Variants in KANK1 observed in about 807,000 individuals in gnomAD.
The protein encoded by KANK1 is KN motif and ankyrin repeat domains 1, also known as KN motif and ankyrin repeat domain-containing protein 1.
Under a neutral mutation model 106.2 loss-of-function variants are expected in KANK1, and 109 were observed. The ratio of observed to expected loss-of-function variants is 1.03; its 90% CI spans 0.88 to 1.20. KANK1 has a LOEUF of 1.20. Among genes scored for constraint, KANK1 ranks in the 50% most tolerant of loss-of-function variants. The probability of loss-of-function intolerance (pLI) is 0.00; values close to 1 mark genes in which losing one functional copy is unlikely to be tolerated. For missense variants in KANK1, 2,399 were observed against 1,710.7 expected (o/e 1.40, Z -7.10); for synonymous variants, 873 against 652.2 (o/e 1.34, Z -5.16).
rs375556830 is a variant in KANK1, at chr9:563,748, C to T, written c.-84+58994C>T. On this transcript the variant is annotated intron_variant, in intron 1 of 11. Coordinates refer to ENST00000382297, the MANE Select transcript of KANK1 (RefSeq NM_015158.5). ...TTTTAATCAGAATCTCAAAATTGCTCTATGGTTCAGAAATGTTTAGGGACC... is the reference window on the plus strand; with the variant it reads ...TTTTAATCAGAATCTCAAAATTGCTTTATGGTTCAGAAATGTTTAGGGACC... Among the ~76,000 whole-genome samples the T allele has an allele frequency of 2.6e-5, 4 of 152,220 alleles. No homozygotes were observed. The South Asian group carries it at 6.2e-4, about 24-fold the overall frequency.
chr9:521,542 C>T (rs1438411886), intron 1 of KANK1, among the ~76,000 whole-genome samples: 3 of 147,566 alleles, frequency 2.0e-5, no homozygotes, highest in African/African-American at 7.6e-5. Flanking sequence ...TTGGAATTCT[C>T]TACTTTCTTT....
chr9:693,366 G>C (rs1388410087), intron 2 of KANK1: 14 of 984,974 alleles, frequency 1.4e-5, no homozygotes, highest in Middle Eastern at 5.2e-4. Flanking sequence ...GGGAAAGAGG[G>C]AGTAAGTCAG....
intron 5 of KANK1, chr9:732,147 C>G (rs937615613): frequency 5.1e-6 from 2 of 391,564 alleles, no homozygotes; most frequent in African/African-American, 4.0e-5. Context: ...TTTTCTTTAA[C>G]AAGTGTTACA....
chr9:472,055 C>G (rs926743111), intron 2 of KANK1, among the ~76,000 whole-genome samples: 12 of 152,292 alleles, frequency 7.9e-5, no homozygotes, highest in Admixed American at 3.3e-4. Flanking sequence ...GAGTCACATC[C>G]CCATACGCCA....
chr9:718,298 C>CTTTTTTT (rs60145502), intron 3 of KANK1, among the ~76,000 whole-genome samples: 8 of 74,124 alleles, frequency 1.1e-4, no homozygotes, highest in Non-Finnish European at 1.5e-4. Flanking sequence ...CTTGCTGTGT[C>CTTTTTTT]TTTTTTTTTT....
At chr9:636,991 AC>A (rs1837300467) in intron 1 of KANK1, among the ~76,000 whole-genome samples, 1 of 152,036 alleles carries the variant, frequency 6.6e-6, no homozygotes, top group Admixed American at 6.6e-5. Context: ...CCTATTCAAA[AC>A]TTTGTTTATA....
chr9:736,099 C>T (rs549789826), intron 7 of KANK1, among the ~76,000 whole-genome samples: 44 of 152,216 alleles, frequency 2.9e-4, no homozygotes, highest in African/African-American at 9.6e-4. Flanking sequence ...CTGGGACTAC[C>T]GGCGTCCACC....
intron 1 of KANK1, among the ~76,000 whole-genome samples, chr9:606,399 A>G (rs1829171049): frequency 6.8e-6 from 1 of 147,350 alleles, no homozygotes; most frequent in Non-Finnish European, 1.5e-5. Context: ...TCTACTAAAA[A>G]TACAAAATTA....
At chr9:517,660 A>G (rs908430061) in intron 1 of KANK1, among the ~76,000 whole-genome samples, 11 of 151,222 alleles carry the variant, frequency 7.3e-5, no homozygotes, top group Non-Finnish European at 1.3e-4. Flanking sequence ...TCTGGGCTCA[A>G]TTCTGCCTGT....
At chr9:725,655 A>G (rs953049084) in intron 3 of KANK1, among the ~76,000 whole-genome samples, 5 of 152,172 alleles carry the variant, frequency 3.3e-5, no homozygotes, top group African/African-American at 4.8e-5. Context: ...CAGAAATGCC[A>G]TCACTTGGCC....
chr9:559,094 T>C (rs918972708), intron 1 of KANK1, among the ~76,000 whole-genome samples: 1 of 152,210 alleles, frequency 6.6e-6, no homozygotes, highest in East Asian at 1.9e-4. Context: ...TTAACAACTG[T>C]GATCTGTATT....
At chr9:565,236 CTAGT>C (rs1413471821) in intron 1 of KANK1, among the ~76,000 whole-genome samples, 1 of 152,192 alleles carries the variant, frequency 6.6e-6, no homozygotes, top group African/African-American at 2.4e-5. Context: ...AACTCCCTGA[CTAGT>C]TACTGCTAAA....
intron 1 of KANK1, chr9:540,585 G>T (rs2060543598): frequency 6.6e-6 from 1 of 152,172 alleles, no homozygotes; most frequent in Admixed American, 6.6e-5. Context: ...GTTTAAGAAG[G>T]GTTGGTGTTA....
At chr9:647,032 A>G (rs771125453) in intron 1 of KANK1, among the ~76,000 whole-genome samples, 2 of 150,948 alleles carry the variant, frequency 1.3e-5, no homozygotes, top group Non-Finnish European at 2.9e-5. Context: ...TTCCCTTGCT[A>G]TAGGAATTTG....
intron 1 of KANK1, among the ~76,000 whole-genome samples, chr9:527,962 T>A (rs898245030): frequency 2.0e-5 from 3 of 151,942 alleles, no homozygotes; most frequent in African/African-American, 7.3e-5. Flanking sequence ...AAACCCTGTC[T>A]GTACTAAAAA....
At chr9:616,742 G>C (rs1831928291) in intron 1 of KANK1, among the ~76,000 whole-genome samples, 1 of 152,166 alleles carries the variant, frequency 6.6e-6, no homozygotes, top group Non-Finnish European at 1.5e-5. Context: ...AGCTGCAGCT[G>C]TGTTCAGTGT....
intron 1 of KANK1, among the ~76,000 whole-genome samples, chr9:615,512 T>C (rs1366308411): frequency 6.6e-6 from 1 of 152,184 alleles, no homozygotes; most frequent in Non-Finnish European, 1.5e-5. Flanking sequence ...TTCTTTTCTC[T>C]TTTTCTTATC....
chr9:503,266 A>G (rs1196177423), upstream of KANK1, among the ~76,000 whole-genome samples: 1 of 152,106 alleles, frequency 6.6e-6, no homozygotes, highest in African/African-American at 2.4e-5. Flanking sequence ...GGGGGATTTT[A>G]GAAAATATCT....
At chr9:692,075 A>G (rs188924634) in intron 2 of KANK1, among the ~76,000 whole-genome samples, 1 of 144,824 alleles carries the variant, frequency 6.9e-6, no homozygotes, top group Admixed American at 7.3e-5. Flanking sequence ...GGATGACTCT[A>G]AATAGCCTGT....
Sources: gnomAD v4.1 joint callset for allele counts (sites outside exome capture counted in the v4.1 genomes callset) on GRCh38, gnomAD v4.1.1 for gene constraint, MANE v1.5 for transcripts, NCBI Gene and HGNC (gene_info 2026-07-23, HGNC 2026-07-21) for gene names.